The following NCOA2 variants were observed in gnomAD, a reference collection of about 807,000 sequenced individuals.
NCOA2 encodes class E basic helix-loop-helix protein 75.
NCOA2 carries 21 observed loss-of-function variants against 145.1 expected under a neutral mutation model. The observed-to-expected ratio is 0.14, with a 90% CI of 0.10 to 0.21. NCOA2 has a LOEUF of 0.21. Among genes scored for constraint, NCOA2 ranks in the 10% least tolerant of loss-of-function variants. The pLI, the probability that NCOA2 is intolerant of heterozygous loss-of-function variation, is 1.00. For synonymous variants in NCOA2, 619 were observed against 637.5 expected (o/e 0.97, Z 0.44); for missense variants, 1,472 against 1,837.6 (o/e 0.80, Z 3.64).
the NCOA2 span, among the ~76,000 whole-genome samples, chr8:70,413,880 C>T: frequency 1.3e-5 from 2 of 152,098 alleles, no homozygotes; most frequent in Admixed American, 6.6e-5. Context: ...GAAGTTCCAG[C>T]CATGCGACTA....
intron 1 of NCOA2, among the ~76,000 whole-genome samples, chr8:70,319,531 C>T (rs914990351): frequency 2.4e-4 from 30 of 125,840 alleles, no homozygotes; most frequent in African/African-American, 1.1e-3. Flanking sequence ...AACAGAGACC[C>T]TGTCTCAAAA....
the NCOA2 span, among the ~76,000 whole-genome samples, chr8:70,416,389 G>T: frequency 6.6e-6 from 1 of 152,034 alleles, no homozygotes; most frequent in Non-Finnish European, 1.5e-5. Context: ...TCTCAAGTTG[G>T]ATCCATGCAG....
intron 22 of NCOA2, among the ~76,000 whole-genome samples, chr8:70,116,764 G>T (rs1344177288): frequency 1.3e-5 from 2 of 152,218 alleles, no homozygotes; most frequent in Non-Finnish European, 2.9e-5. Flanking sequence ...CTGTTCTCTG[G>T]CCTTAACAAT....
chr8:70,283,066 T>C (rs1430101399), intron 2 of NCOA2, among the ~76,000 whole-genome samples: 2 of 152,200 alleles, frequency 1.3e-5, no homozygotes, highest in Admixed American at 6.5e-5. Flanking sequence ...GCCCCAGGAC[T>C]CTGGTTCATG....
chr8:70,421,522 C>T, the NCOA2 span, among the ~76,000 whole-genome samples: 1 of 152,184 alleles, frequency 6.6e-6, no homozygotes. Flanking sequence ...CGCACCACTA[C>T]ACTCAAGCCT....
chr8:70,169,776 A>G (rs978627870), intron 6 of NCOA2, among the ~76,000 whole-genome samples: 1 of 152,206 alleles, frequency 6.6e-6, no homozygotes, highest in African/African-American at 2.4e-5. Context: ...AATTAAAAAA[A>G]ATACAACAAT....
chr8:70,244,278 C>T (rs1183642279), intron 2 of NCOA2, among the ~76,000 whole-genome samples: 1 of 152,176 alleles, frequency 6.6e-6, no homozygotes, highest in East Asian at 1.9e-4. Context: ...ATTGTTAACC[C>T]TTTTCAGATA....
chr8:70,202,362 C>T (rs1486564248), intron 4 of NCOA2, among the ~76,000 whole-genome samples: 1 of 152,238 alleles, frequency 6.6e-6, no homozygotes, highest in South Asian at 2.1e-4. Flanking sequence ...GAATTGAAAA[C>T]AGGATCTCAA....
rs185710613 is a variant in NCOA2 at position 70,133,100 on chromosome 8, G to A, written c.3159-1098C>T. 9.9e-5 allele frequency among the ~76,000 whole-genome samples: 15 copies of A among 151,498 alleles called. No individual in the cohort carries two copies. The East Asian group carries it at 3.0e-3, about 30-fold the overall frequency. ...TGTGTGTGTGTGTGTGTGTATGTGT[G>A]TAGTGATGCCATCATGGCTCACTGG... On this transcript the variant is annotated intron_variant, in intron 15 of 22. Transcript: ENST00000452400.
In NCOA2 at chr8:70,155,964, A is replaced by G. The variant is rs368009986; in HGVS notation, c.2394+7T>C. 1.1e-4 allele frequency: 171 copies of G among 1,554,424 alleles called. No individual in the cohort carries two copies. In the African/African-American group the frequency reaches 2.2e-3, roughly 20 times the overall value. On this transcript the variant is annotated splice_region_variant and intron_variant, in intron 11 of 22. Transcript: ENST00000452400. ...GTACACCTGCGAGAAGATGTGATAAAACTTACCTGGTCACCAGGCTCAAAG... is the reference window on the plus strand; with the variant it reads ...GTACACCTGCGAGAAGATGTGATAAGACTTACCTGGTCACCAGGCTCAAAG...
chr8:70,395,711 G>A (rs1813602869), intron 1 of NCOA2, among the ~76,000 whole-genome samples: 1 of 152,128 alleles, frequency 6.6e-6, no homozygotes, highest in Admixed American at 6.5e-5. Flanking sequence ...TTTATAAGCA[G>A]GAATGATCTG....
chr8:70,251,171 G>C (rs143750088), intron 2 of NCOA2, among the ~76,000 whole-genome samples: 161 of 152,184 alleles, frequency 1.1e-3, no homozygotes, highest in Non-Finnish European at 2.0e-3. Context: ...TTGATGTGTA[G>C]GAAAATGAGC....
chr8:70,273,420 CA>C (rs1489262521), intron 2 of NCOA2: 3 of 745,726 alleles, frequency 4.0e-6, no homozygotes, highest in Non-Finnish European at 4.1e-6. Context: ...AAACTGCAGG[CA>C]AAAGTGCCCA....
chr8:70,157,369 C>T (rs1033656323), intron 10 of NCOA2, 129 bp from the exon 11 acceptor site: 9 of 877,246 alleles, frequency 1.0e-5, no homozygotes, highest in Non-Finnish European at 1.5e-5. Flanking sequence ...ATAGATAATA[C>T]TTTGTTGAAA....
Position 70,157,059 on chromosome 8 carries a change from T to C in NCOA2, c.1306A>G (p.Met436Val), listed in dbSNP as rs1377598683. Reference sequence around the variant, plus strand: ...GAACCACCAAACCTGCCCATGGGCATGCCCATTTGTTCCTTTGGGCCATTT... The same window carrying C: ...GAACCACCAAACCTGCCCATGGGCACGCCCATTTGTTCCTTTGGGCCATTT... Reference protein sequence around the residue: ...PINGPKEQMGMPMGRFGGSGG... With the variant: ...PINGPKEQMGVPMGRFGGSGG... The change falls in exon 11 of 23, where the codon ATG becomes GTG. Residue 436 changes from methionine to valine, a missense_variant. Physicochemically the swap from Met to Val is conservative, Grantham distance 21. Coordinates refer to ENST00000452400, the MANE Select transcript of NCOA2 (RefSeq NM_006540.4). 1.9e-6 allele frequency: 3 copies of C among 1,613,942 alleles called. No homozygotes were observed. Among genetic ancestry groups the C allele is most frequent in the Non-Finnish European group, 8.5e-7 (1 of 1,179,914 alleles).
intron 1 of NCOA2, among the ~76,000 whole-genome samples, chr8:70,351,751 A>AT (rs1266426866): frequency 0.056 from 7,290 of 129,870 alleles, 309 homozygotes; most frequent in East Asian, 0.15. Context: ...ACCCCGGCTA[A>AT]TTTTTTTTTT....
chr8:70,400,646 C>G (rs543037746), intron 1 of NCOA2, among the ~76,000 whole-genome samples: 1 of 152,092 alleles, frequency 6.6e-6, no homozygotes, highest in African/African-American at 2.4e-5. Flanking sequence ...TTTGGTTTAC[C>G]TTCTCTGTTT....
At chr8:70,213,472 C>G in intron 4 of NCOA2, among the ~76,000 whole-genome samples, 1 of 152,120 alleles carries the variant, frequency 6.6e-6, no homozygotes, top group East Asian at 1.9e-4. Context: ...AGTGTCATGG[C>G]CAGTTGAGGC....
Position 70,148,290 on chromosome 8 carries a change from A to T in NCOA2, c.2588T>A (p.Leu863Gln), listed in dbSNP as rs200138884. The T allele has an allele frequency of 2.6e-5, 42 of 1,613,972 alleles. No individual in the cohort carries two copies. The East Asian group carries it at 9.4e-4, about 36-fold the overall frequency. Residue 863 changes from leucine (L) to glutamine (Q), a missense_variant, in exon 12 of 23, where the codon CTG becomes CAG. Transcript: ENST00000452400. Reference sequence around the variant, plus strand: ...ATACTCACTGCTCTGTGAAATTCGCAGTGCTGTTTTCTGGGCTCCAACAGG... The same window carrying T: ...ATACTCACTGCTCTGTGAAATTCGCTGTGCTGTTTTCTGGGCTCCAACAGG... ...VTPVGAQKTALRISQSTFNNP... is the reference protein window; with the variant it reads ...VTPVGAQKTAQRISQSTFNNP...
Sources: allele counts gnomAD v4.1 joint callset (sites outside exome capture counted in the v4.1 genomes callset), GRCh38; gene constraint gnomAD v4.1.1; transcripts MANE v1.5; gene names NCBI Gene and HGNC (gene_info 2026-07-23, HGNC 2026-07-21).